Variants in TRAPPC11 observed in about 807,000 individuals in gnomAD.
TRAPPC11 encodes trafficking protein particle complex subunit 11, also known as foie gras homolog.
A neutral mutation model predicts 151.2 loss-of-function variants in TRAPPC11; 104 were observed. The observed-to-expected ratio is 0.69, with a 90% CI of 0.59 to 0.81. The LOEUF is 0.81. Ranked by LOEUF, TRAPPC11 falls within the 30% of genes least tolerant of loss-of-function variation. The pLI is 0.00. For synonymous variants in TRAPPC11, 456 were observed against 472.3 expected (o/e 0.97, Z 0.45); for missense variants, 1,230 against 1,349.6 (o/e 0.91, Z 1.39).
chr4:183,693,802 C>T, intron 21 of TRAPPC11, 65 bp downstream of exon 21: 1 of 1,598,120 alleles, frequency 6.3e-7, no homozygotes, highest in Non-Finnish European at 8.5e-7. Context: ...TCAGTGATGT[C>T]AACTCTAGGA....
chr4:183,670,539 T>A (rs116290584), intron 5 of TRAPPC11, among the ~76,000 whole-genome samples: 97 of 152,310 alleles, frequency 6.4e-4, no homozygotes, highest in African/African-American at 2.3e-3. Context: ...CAAATGCTTC[T>A]CAAAGGAAAG....
chr4:183,674,901 G>A (rs1255373610), intron 6 of TRAPPC11, 89 bp downstream of exon 6: 3 of 762,664 alleles, frequency 3.9e-6, no homozygotes, highest in African/African-American at 3.7e-5. Context: ...ATACTTTAAT[G>A]TTTTAAATGG....
intron 23 of TRAPPC11, among the ~76,000 whole-genome samples, chr4:183,696,169 T>C (rs1736526429): frequency 6.6e-6 from 1 of 152,222 alleles, no homozygotes; most frequent in Non-Finnish European, 1.5e-5. Context: ...GAGACACTTC[T>C]GGCCCCAAGC....
chr4:183,669,566 T>C (rs960845823), intron 5 of TRAPPC11, among the ~76,000 whole-genome samples: 2 of 152,246 alleles, frequency 1.3e-5, no homozygotes, highest in Admixed American at 1.3e-4. Flanking sequence ...TGTTGTCCTC[T>C]GTGCTATACC....
rs537914382 is a variant in TRAPPC11, at chr4:183,707,652, A to G, written c.3189+712A>G. On this transcript the variant is annotated intron_variant, in intron 28 of 29. Coordinates refer to ENST00000334690, the MANE Select transcript of TRAPPC11 (RefSeq NM_021942.6). ...TGGAAGTGTCTATCCTGACTAATTA[A>G]CTGCTCTGCATATTCTGAGTGCTGT... Among the ~76,000 whole-genome samples the G allele has an allele frequency of 2.3e-3, 354 of 152,302 alleles. 1 individual carries two copies. The highest frequency in any genetic ancestry group is 8.1e-3 in the African/African-American group (336 of 41,562).
intron 2 of TRAPPC11, among the ~76,000 whole-genome samples, chr4:183,665,330 G>A (rs527492960): frequency 8.5e-5 from 13 of 152,076 alleles, no homozygotes; most frequent in East Asian, 3.9e-4. Context: ...TCCTGACCTC[G>A]TGATCTGCCC....
At chr4:183,660,650 A>G (rs966190213) in intron 1 of TRAPPC11, among the ~76,000 whole-genome samples, 6 of 152,228 alleles carry the variant, frequency 3.9e-5, no homozygotes, top group African/African-American at 1.4e-4. Flanking sequence ...ATTACAGGAA[A>G]TGGCCTCTAG....
intron 4 of TRAPPC11, 120 bp from the exon 5 acceptor site, chr4:183,667,883 A>G (rs1278310265): frequency 1.3e-6 from 1 of 742,102 alleles, no homozygotes; most frequent in African/African-American, 1.8e-5. Context: ...TGTTGGTGTG[A>G]TGAAAAGCTG....
In TRAPPC11 at chr4:183,684,006, G is replaced by A; in HGVS notation, c.1239G>A (p.Lys413=). The change falls in exon 12 of 30, where the codon AAG becomes AAA. Residue 413 remains lysine, a synonymous_variant. Transcript: ENST00000334690. ...ATCTTTCTGATCCTGAAAAAGAAAA[G>A]GTGGGAATTCTTGCCATTCAGCTGA... ...SFDLSDPEKE[K]VGILAIQLKE... is the part of the protein sequence containing the mutation. 1.2e-6 allele frequency: 2 copies of A among 1,614,010 alleles called. No homozygotes were observed. The highest frequency in any genetic ancestry group is 1.7e-6 in the Non-Finnish European group (2 of 1,179,962).
intron 26 of TRAPPC11, among the ~76,000 whole-genome samples, chr4:183,704,158 T>C (rs73002797): frequency 2.4e-4 from 36 of 152,312 alleles, no homozygotes; most frequent in African/African-American, 8.4e-4. Flanking sequence ...GTTATAACAG[T>C]TTGTTAATTG....
intron 10 of TRAPPC11, among the ~76,000 whole-genome samples, chr4:183,682,388 T>C (rs1735743361): frequency 6.6e-6 from 1 of 152,220 alleles, no homozygotes; most frequent in African/African-American, 2.4e-5. Context: ...CTTGTAACAT[T>C]GTTTTCATTT....
At chr4:183,703,778 C>T (rs1736911627) in intron 26 of TRAPPC11, among the ~76,000 whole-genome samples, 1 of 152,230 alleles carries the variant, frequency 6.6e-6, no homozygotes, top group Non-Finnish European at 1.5e-5. Context: ...AGGGATTTCC[C>T]TGGCACCACC....
In TRAPPC11 at chr4:183,690,920, A is replaced by T. The variant is rs112750265; in HGVS notation, c.1894-396A>T. ...AAGGTTGAGGCTACAGTGAGCCGAG[A>T]TCATGCCACTGCACTCCAGGTAGGA... On this transcript the variant is annotated intron_variant, in intron 18 of 29. Transcript: ENST00000334690. 1.3e-3 allele frequency among the ~76,000 whole-genome samples: 203 copies of T among 152,306 alleles called. 2 individuals are homozygous for T. The highest frequency in any genetic ancestry group is 4.6e-3 in the African/African-American group (190 of 41,566).
intron 18 of TRAPPC11, among the ~76,000 whole-genome samples, chr4:183,687,040 G>A (rs1736012563): frequency 6.6e-6 from 1 of 152,126 alleles, no homozygotes; most frequent in Admixed American, 6.5e-5. Context: ...AATCTGCTGG[G>A]TGTGGTGGCA....
chr4:183,711,617 T>C lies in TRAPPC11; in HGVS notation c.3358-983T>C, dbSNP rs1378492451. 3.3e-5 allele frequency among the ~76,000 whole-genome samples: 5 copies of C among 152,330 alleles called. No homozygotes were observed. The East Asian group carries it at 9.7e-4, about 29-fold the overall frequency. On this transcript the variant is annotated intron_variant, in intron 29 of 29. Transcript: ENST00000334690. ...GCCGTGAATGTCTGGAAGCTATACT[T>C]AGCTATGTTTCTGTATGTATGTACA... is the stretch of plus-strand genomic sequence containing the variant.
At chr4:183,709,571 C>T (rs896387379) in intron 29 of TRAPPC11, among the ~76,000 whole-genome samples, 9 of 152,066 alleles carry the variant, frequency 5.9e-5, no homozygotes, top group South Asian at 2.1e-4. Flanking sequence ...GTCAGGAGAT[C>T]GAGACCATCC....
chr4:183,704,769 C>T lies in TRAPPC11; in HGVS notation c.2964-210C>T, dbSNP rs181324160. On this transcript the variant is annotated intron_variant, in intron 26 of 29. Transcript: ENST00000334690. ...CAGAGCTTGCAGTGAGCCGAGATCG[C>T]GCCACTGCACTCCAGTCTGGGCAAC... Among the ~76,000 whole-genome samples the T allele has an allele frequency of 2.2e-3, 338 of 152,030 alleles. 2 individuals are homozygous for T. The highest frequency in any genetic ancestry group is 7.7e-3 in the African/African-American group (319 of 41,446).
At chr4:183,692,270 C>G (rs1736294416) in intron 19 of TRAPPC11, among the ~76,000 whole-genome samples, 1 of 151,978 alleles carries the variant, frequency 6.6e-6, no homozygotes, top group Non-Finnish European at 1.5e-5. Flanking sequence ...CTCATCTAAA[C>G]TTGGGACCAT....
chr4:183,667,872 C>T, intron 4 of TRAPPC11, 131 bp from the exon 5 acceptor site: 1 of 699,166 alleles, frequency 1.4e-6, no homozygotes, highest in Non-Finnish European at 2.5e-6. Flanking sequence ...CCCAGGAGTC[C>T]TGTTGGTGTG....
Sources: allele counts gnomAD v4.1 joint callset (sites outside exome capture counted in the v4.1 genomes callset), GRCh38; gene constraint gnomAD v4.1.1; transcripts MANE v1.5; gene names NCBI Gene and HGNC (gene_info 2026-07-23, HGNC 2026-07-21).